The following TLN2 variants were observed in gnomAD, a reference collection of about 807,000 sequenced individuals.
TLN2 encodes talin-2.
TLN2 carries 118 observed loss-of-function variants against 294.7 expected under a neutral mutation model. The ratio of observed to expected loss-of-function variants is 0.40; its 90% CI spans 0.34 to 0.47. The LOEUF (loss-of-function observed/expected upper bound fraction) is 0.47. Ranked by LOEUF, TLN2 falls within the 20% of genes least tolerant of loss-of-function variation. The pLI, the probability that TLN2 is intolerant of heterozygous loss-of-function variation, is 0.84. For missense variants in TLN2, 3,083 were observed against 3,282.2 expected (o/e 0.94, Z 1.48); for synonymous variants, 1,431 against 1,304.5 (o/e 1.10, Z -2.09).
At chr15:62,560,005 T>G (rs2042830385) in intron 1 of TLN2, among the ~76,000 whole-genome samples, 1 of 151,542 alleles carries the variant, frequency 6.6e-6, no homozygotes, top group Non-Finnish European at 1.5e-5. Flanking sequence ...AATTGGCCTA[T>G]TTGACCGAGA....
At chr15:62,496,342 AC>A (rs1437290070) in intron 1 of TLN2, among the ~76,000 whole-genome samples, 3 of 145,462 alleles carry the variant, frequency 2.1e-5, no homozygotes, top group Non-Finnish European at 4.5e-5. Flanking sequence ...CCTCAGCATC[AC>A]CCGTACAGCT....
In TLN2 at chr15:62,763,547, G is replaced by A. The variant is rs554955150; in HGVS notation, c.4962-16G>A. The A allele has an allele frequency of 6.3e-7, 1 of 1,599,298 alleles. No homozygotes were observed. Among genetic ancestry groups the A allele is most frequent in the South Asian group, 1.1e-5 (1 of 90,224 alleles). On this transcript the variant is annotated splice_polypyrimidine_tract_variant and intron_variant, in intron 39 of 58. Transcript: ENST00000636159. ...GCCCCATGGAGCCTGTGTCCAACTT[G>A]CACTATTCCTTCCAGGGACAAGGCC...
chr15:62,808,974 G>C (rs1035613807), intron 51 of TLN2, among the ~76,000 whole-genome samples: 3 of 152,172 alleles, frequency 2.0e-5, no homozygotes, highest in African/African-American at 7.2e-5. Flanking sequence ...CATGGATCCT[G>C]GTCTTTGCCC....
intron 27 of TLN2, among the ~76,000 whole-genome samples, chr15:62,726,833 G>A (rs536085067): frequency 6.6e-6 from 1 of 152,296 alleles, no homozygotes; most frequent in South Asian, 2.1e-4. Flanking sequence ...GAGGCTTGGA[G>A]AGGTTCAGTA....
chr15:62,463,702 G>T (rs1332645468), intron 1 of TLN2, among the ~76,000 whole-genome samples: 1 of 152,106 alleles, frequency 6.6e-6, no homozygotes, highest in African/African-American at 2.4e-5. Context: ...TGGCTAACAC[G>T]GTGAAACCCC....
At chr15:62,742,057 G>A (rs1436264130) in intron 32 of TLN2, among the ~76,000 whole-genome samples, 1 of 150,502 alleles carries the variant, frequency 6.6e-6, no homozygotes, top group East Asian at 2.0e-4. Context: ...GTGTGTGTGT[G>A]TGTGTGTGTG....
rs1285863376 is a variant in TLN2 at position 62,796,124 on chromosome 15, C to T, written c.5884-3C>T. The T allele has an allele frequency of 1.2e-6, 2 of 1,613,430 alleles. No individual in the cohort carries two copies. The highest frequency in any genetic ancestry group is 1.7e-6 in the Non-Finnish European group (2 of 1,179,764). ...TCCCCTCACATTCCCTTTCTGCCTA[C>T]AGGTCTCCTTGGTGCTCTCGGCTCT... is the stretch of plus-strand genomic sequence containing the variant. On this transcript the variant is annotated splice_polypyrimidine_tract_variant and splice_region_variant and intron_variant, in intron 46 of 58. Coordinates refer to ENST00000636159, the MANE Select transcript of TLN2 (RefSeq NM_015059.3).
At chr15:62,744,411 T>TG (rs1443984302) in intron 32 of TLN2, among the ~76,000 whole-genome samples, 1 of 148,966 alleles carries the variant, frequency 6.7e-6, no homozygotes, top group East Asian at 1.9e-4. Flanking sequence ...TTAATTTTTT[T>TG]TTTTTTTTTT....
At chr15:62,610,896 C>T (rs568524485) in intron 2 of TLN2, among the ~76,000 whole-genome samples, 179 of 152,308 alleles carry the variant, frequency 1.2e-3, no homozygotes, top group African/African-American at 4.1e-3. Flanking sequence ...GTGTGTCTAA[C>T]TTGAAACCCG....
chr15:62,535,945 T>C (rs1374224388), intron 1 of TLN2, among the ~76,000 whole-genome samples: 1 of 152,250 alleles, frequency 6.6e-6, no homozygotes, highest in African/African-American at 2.4e-5. Context: ...CAAAGTCTTG[T>C]GACTGCTACC....
At chr15:62,769,509 G>T (rs2063220419) in intron 41 of TLN2, among the ~76,000 whole-genome samples, 1 of 152,190 alleles carries the variant, frequency 6.6e-6, no homozygotes, top group African/African-American at 2.4e-5. Context: ...CTATTCACCA[G>T]GTTTGAAACC....
At chr15:62,596,089 C>G (rs563557117) in intron 2 of TLN2, among the ~76,000 whole-genome samples, 2 of 151,828 alleles carry the variant, frequency 1.3e-5, no homozygotes, top group Admixed American at 1.3e-4. Flanking sequence ...TGGTGAAACC[C>G]CGTCTCTGCT....
intron 54 of TLN2, among the ~76,000 whole-genome samples, chr15:62,823,672 C>T (rs144092750): frequency 1.9e-3 from 284 of 152,280 alleles, no homozygotes; most frequent in African/African-American, 6.4e-3. Flanking sequence ...GATGATGATT[C>T]TGGTACATTT....
chr15:62,664,839 A>G (rs1197540869), intron 9 of TLN2, among the ~76,000 whole-genome samples: 1 of 111,850 alleles, frequency 8.9e-6, no homozygotes, highest in Middle Eastern at 5.4e-3. Context: ...AGCCTGGGCA[A>G]CAAGAGGGAA....
intron 3 of TLN2, among the ~76,000 whole-genome samples, chr15:62,625,636 C>T (rs1596383238): frequency 6.6e-6 from 1 of 152,206 alleles, no homozygotes; most frequent in East Asian, 1.9e-4. Flanking sequence ...AGGACGGGAA[C>T]TCCCGCAGCA....
intron 10 of TLN2, among the ~76,000 whole-genome samples, chr15:62,674,836 T>C (rs2055969020): frequency 6.6e-6 from 1 of 152,194 alleles, no homozygotes; most frequent in Non-Finnish European, 1.5e-5. Context: ...ATGACACCTC[T>C]CCTGATAAGA....
intron 1 of TLN2, among the ~76,000 whole-genome samples, chr15:62,394,531 A>G (rs2032370750): frequency 6.6e-6 from 1 of 152,238 alleles, no homozygotes; most frequent in Non-Finnish European, 1.5e-5. Context: ...TATATCTAAT[A>G]AGGAGACTAG....
intron 1 of TLN2, among the ~76,000 whole-genome samples, chr15:62,530,008 T>C (rs1263894014): frequency 2.0e-5 from 3 of 152,100 alleles, no homozygotes; most frequent in Non-Finnish European, 4.4e-5. Flanking sequence ...CCTGACCAAC[T>C]GGTGAAACCC....
intron 1 of TLN2, among the ~76,000 whole-genome samples, chr15:62,544,284 C>T (rs2041865682): frequency 6.6e-6 from 1 of 152,170 alleles, no homozygotes; most frequent in Non-Finnish European, 1.5e-5. Flanking sequence ...GTGCCTCTTC[C>T]CTAGTCTCCC....
Sources: allele counts gnomAD v4.1 joint callset (sites outside exome capture counted in the v4.1 genomes callset), GRCh38; gene constraint gnomAD v4.1.1; transcripts MANE v1.5; gene names NCBI Gene and HGNC (gene_info 2026-07-23, HGNC 2026-07-21).